Variants in RABGGTA observed in about 807,000 individuals in gnomAD.
RABGGTA encodes the protein geranylgeranyl transferase type-2 subunit alpha.
RABGGTA carries 69 observed loss-of-function variants against 83.3 expected under a neutral mutation model. The ratio of observed to expected loss-of-function variants is 0.83; its 90% CI spans 0.68 to 1.01. The LOEUF is 1.01. Among genes scored for constraint, RABGGTA ranks in the 50% least tolerant of loss-of-function variants. The pLI is 0.00. For missense variants in RABGGTA, 681 were observed against 712.7 expected, an observed-to-expected ratio of 0.96 and a Z score of 0.51; for synonymous variants, 310 against 299.8, an observed-to-expected ratio of 1.03 and a Z score of -0.35.
chr14:24,270,924 C>A lies in RABGGTA; in HGVS notation c.27G>T (p.Thr9=), dbSNP rs893126693. Residue 9 remains threonine (T), a synonymous_variant, in exon 3 of 17, where the codon ACG becomes ACT. Transcript: ENST00000216840. ...TTTTGGCCTCCGCCTGCTCTTCTGA[C>A]GTCTTCACCTTCAGGCGTCCGTGCT... The part of the protein sequence containing the change: MHGRLKVK[T]SEEQAEAKRL... The A allele has an allele frequency of 6.2e-7, 1 of 1,614,002 alleles. No individual in the cohort carries two copies. Among genetic ancestry groups the A allele is most frequent in the Middle Eastern group, 1.6e-4 (1 of 6,062 alleles).
At chr14:24,265,852 G>C in intron 16 of RABGGTA, 89 bp from the exon 17 acceptor site, 1 of 1,468,074 alleles carries the variant, frequency 6.8e-7, no homozygotes, top group Non-Finnish European at 9.0e-7. Context: ...CTGCTGCCTG[G>C]AAGTCTGTTT....
chr14:24,268,315 C>T (rs368455746), intron 11 of RABGGTA, 54 bp downstream of exon 11: 2 of 1,611,932 alleles, frequency 1.2e-6, no homozygotes, highest in African/African-American at 1.3e-5. Context: ...CCCTGGCTGC[C>T]TGATGCCCAG....
rs776091793 is a variant in RABGGTA, at chr14:24,267,628, G to A, written c.1353+32C>T. 1.9e-6 allele frequency: 3 copies of A among 1,572,128 alleles called. No individual in the cohort carries two copies. The Admixed American group carries it at 5.3e-5, about 28-fold the overall frequency. ...GACGTGGGGAGGCCAGCGGGATGAG[G>A]GCCAGGGGAAGGCATGCATGGCAGC... On this transcript the variant is annotated intron_variant, in intron 14 of 16. Coordinates refer to ENST00000216840, the MANE Select transcript of RABGGTA (RefSeq NM_182836.3).
chr14:24,268,453 C>G, intron 10 of RABGGTA, 33 bp from the exon 11 acceptor site: 1 of 1,594,950 alleles, frequency 6.3e-7, no homozygotes, highest in Non-Finnish European at 8.5e-7. Context: ...GAGGGTGCAC[C>G]CTTGAGAGGA....
At chr14:24,267,362 T>C (rs1363961083) in intron 14 of RABGGTA, among the ~76,000 whole-genome samples, 1 of 152,088 alleles carries the variant, frequency 6.6e-6, no homozygotes, top group African/African-American at 2.4e-5. Flanking sequence ...GGGTGAGATG[T>C]GCTGGAATGT....
chr14:24,270,718 G>A, intron 3 of RABGGTA, 119 bp downstream of exon 3: 1 of 1,414,186 alleles, frequency 7.1e-7, no homozygotes, highest in Non-Finnish European at 9.6e-7. Context: ...AAGTCATACA[G>A]TTATAAGTGA....
chr14:24,270,302 G>A, intron 4 of RABGGTA, 32 bp downstream of exon 4: 3 of 1,610,930 alleles, frequency 1.9e-6, no homozygotes, highest in East Asian at 2.2e-5. Context: ...CAGGGCCAGG[G>A]CAGTCTTCTG....
At chr14:24,269,728 C>A in intron 5 of RABGGTA, 34 bp from the exon 6 acceptor site, 1 of 1,605,620 alleles carries the variant, frequency 6.2e-7, no homozygotes, top group South Asian at 1.1e-5. Context: ...ATCTTAGAGG[C>A]AGGGCAAGAG....
Position 24,269,663 on chromosome 14 carries a change from G to A in RABGGTA, c.459C>T (p.Ala153=), listed in dbSNP as rs2040919965. The part of the protein sequence containing the change: ...FHCWDYRRFV[A]TQAAVPPAEE... ...CTGCAGGGGGCACGGCTGCCTGTGT[G>A]GCCACAAACCGCCGATAGTCCCAGC... The change falls in exon 6 of 17, where the codon GCC becomes GCT. Residue 153 remains alanine (A), a synonymous_variant. Coordinates refer to ENST00000216840, the MANE Select transcript of RABGGTA (RefSeq NM_182836.3). The A allele has an allele frequency of 1.9e-6, 3 of 1,613,386 alleles. No individual in the cohort carries two copies. The highest frequency in any genetic ancestry group is 2.5e-6 in the Non-Finnish European group (3 of 1,179,696).
chr14:24,271,412 C>G (rs903167603), intron 1 of RABGGTA, 75 bp downstream of exon 1: 29 of 323,302 alleles, frequency 9.0e-5, no homozygotes, highest in Non-Finnish European at 9.6e-5. Context: ...GGGGACCACT[C>G]TGCTCCCCAA....
intron 15 of RABGGTA, 111 bp downstream of exon 15, chr14:24,266,665 C>G: frequency 4.8e-6 from 6 of 1,240,686 alleles, no homozygotes; most frequent in Non-Finnish European, 7.1e-6. Context: ...ACGCAGTTAC[C>G]TGTTCGGGGT....
intron 11 of RABGGTA, 45 bp downstream of exon 11, chr14:24,268,322 CCA>C (rs769783298): frequency 7.4e-6 from 12 of 1,612,432 alleles, no homozygotes; most frequent in South Asian, 5.5e-5. Context: ...TGCCTGATGC[CCA>C]GAGTCCAGAG....
chr14:24,265,924 A>G (rs6573651), intron 16 of RABGGTA, among the ~76,000 whole-genome samples, 161 bp from the exon 17 acceptor site: 47,449 of 152,046 alleles, frequency 0.31, 8,108 homozygotes, highest in East Asian at 0.43. Flanking sequence ...GCAAATGCCT[A>G]CCCACAGGGT....
At chr14:24,269,192 T>A in intron 6 of RABGGTA, 29 bp from the exon 7 acceptor site, 1 of 1,586,698 alleles carries the variant, frequency 6.3e-7, no homozygotes, top group Non-Finnish European at 8.6e-7. Flanking sequence ...CATGGGGCTG[T>A]GGTCAGGACA....
At position 24,266,802 on chromosome 14, in the gene RABGGTA, C is replaced by A. The variant is rs1211226459; in HGVS notation, c.1441G>T (p.Ala481Ser). The A allele has an allele frequency of 3.7e-6, 6 of 1,613,832 alleles. No homozygotes were observed. The Middle Eastern group carries it at 6.6e-4, about 177-fold the overall frequency. Residue 481 changes from alanine (A) to serine (S), a missense_variant, in exon 15 of 17, where the codon GCA becomes TCA. Physicochemically the swap from Ala to Ser is moderately conservative, Grantham distance 99. This residue lies in a region of RABGGTA where 421 missense variants were observed against 418.5 expected (regional missense o/e 1.01). Transcript: ENST00000216840. ...SHNRLRTLPP[A>S]LAALRCLEVL... Reference sequence around the variant, plus strand: ...TCAAGGCAGCGCAGGGCAGCCAGTGCAGGTGGCAGGGTTCGGAGGCGATTG... The same window carrying A: ...TCAAGGCAGCGCAGGGCAGCCAGTGAAGGTGGCAGGGTTCGGAGGCGATTG...
At chr14:24,266,148 T>C (rs1434675651) in intron 16 of RABGGTA, among the ~76,000 whole-genome samples, 1 of 152,226 alleles carries the variant, frequency 6.6e-6, no homozygotes, top group Non-Finnish European at 1.5e-5. Context: ...TTTTTTAAAG[T>C]ATGAAAGTTC....
At chr14:24,266,325 C>T in intron 16 of RABGGTA, 105 bp downstream of exon 16, 1 of 1,060,408 alleles carries the variant, frequency 9.4e-7, no homozygotes, top group Admixed American at 1.8e-5. Flanking sequence ...CCCCCTCTCT[C>T]CTGCCCTGCA....
At chr14:24,267,809 T>G (rs1253194504) in intron 13 of RABGGTA, 33 bp from the exon 14 acceptor site, 4 of 1,610,656 alleles carry the variant, frequency 2.5e-6, no homozygotes. Flanking sequence ...GGTATGCATG[T>G]CAGCTGCCTG....
At chr14:24,271,236 G>A in intron 1 of RABGGTA, 67 bp from the exon 2 acceptor site, 1 of 1,310,318 alleles carries the variant, frequency 7.6e-7, no homozygotes, top group Non-Finnish European at 1.0e-6. Context: ...GTGTCCGGAA[G>A]CAGCAAGCGT....
Sources: gnomAD v4.1 joint callset for allele counts (sites outside exome capture counted in the v4.1 genomes callset) on GRCh38, gnomAD v4.1.1 for gene constraint, gnomAD v4.1.1 regional missense constraint, MANE v1.5 for transcripts, NCBI Gene and HGNC (gene_info 2026-07-23, HGNC 2026-07-21) for gene names.